EPS8: variants seen among roughly 807,000 people sequenced by gnomAD.
EPS8 encodes EGFR pathway substrate 8, signaling adaptor.
A neutral mutation model predicts 103.8 loss-of-function variants in EPS8; 42 were observed. That is an observed-to-expected ratio of 0.40 (90% CI 0.32 to 0.52). The LOEUF is 0.52. Among genes scored for constraint, EPS8 ranks in the 20% least tolerant of loss-of-function variants. EPS8 has a pLI of 0.40. For missense variants in EPS8, 969 were observed against 1,005.1 expected, an observed-to-expected ratio of 0.96 and a Z score of 0.49; for synonymous variants, 344 against 344.6, an observed-to-expected ratio of 1.00 and a Z score of 0.02.
chr12:15,673,248 A>G (rs1378220697), intron 3 of EPS8, among the ~76,000 whole-genome samples: 1 of 152,214 alleles, frequency 6.6e-6, no homozygotes, highest in African/African-American at 2.4e-5. Context: ...TATGTTGTAC[A>G]ATAAATAAGT....
rs1010143290 is a variant in EPS8 at position 15,789,134 on chromosome 12, C to G, written c.-22+27G>C. On this transcript the variant is annotated intron_variant, in intron 1 of 20. Coordinates refer to ENST00000281172, the MANE Select transcript of EPS8 (RefSeq NM_004447.6). The surrounding 1 kb of genome is among the most constrained non-coding windows in gnomAD (Gnocchi z 6.1). ...AGTCAAAGCCGCCGGACCCCGGGAC[C>G]GGCGCCTTTCGCCAAGGGGCTCTTA... The G allele has an allele frequency of 1.3e-5, 2 of 152,144 alleles. No homozygotes were observed. The highest frequency in any genetic ancestry group is 1.3e-4 in the Admixed American group (2 of 15,286). The allele number at this position is 152,144 out of a possible 1,614,324, so 9.4% of individuals were successfully genotyped here. A position where few individuals can be genotyped will look rare whatever the true frequency, so the allele number is the denominator to read the frequency against.
chr12:15,676,782 G>A (rs1011654758), intron 3 of EPS8, among the ~76,000 whole-genome samples: 4 of 152,096 alleles, frequency 2.6e-5, no homozygotes, highest in African/African-American at 4.8e-5. Flanking sequence ...TAAGTGTTAC[G>A]GTGTCAGTGA....
At chr12:15,675,698 G>C (rs1945892412) in intron 3 of EPS8, among the ~76,000 whole-genome samples, 1 of 152,144 alleles carries the variant, frequency 6.6e-6, no homozygotes, top group Non-Finnish European at 1.5e-5. Flanking sequence ...GTTAACTGTA[G>C]GTGTTGGTAA....
At chr12:15,649,521 G>T (rs1446937544) in intron 14 of EPS8, among the ~76,000 whole-genome samples, 1 of 152,062 alleles carries the variant, frequency 6.6e-6, no homozygotes, top group Admixed American at 6.6e-5. Context: ...ACAGGCAGGG[G>T]TATATGCTTG....
At chr12:15,746,164 G>A (rs1946873183) in intron 1 of EPS8, among the ~76,000 whole-genome samples, 1 of 152,146 alleles carries the variant, frequency 6.6e-6, no homozygotes, top group Admixed American at 6.5e-5. Context: ...TGAAGCAGGA[G>A]TCAGGGGGAG....
rs1947132659 is a variant in EPS8, at chr12:15,769,692, A to G, written c.-22+19469T>C. On this transcript the variant is annotated intron_variant, in intron 1 of 20. Coordinates refer to ENST00000281172, the MANE Select transcript of EPS8 (RefSeq NM_004447.6). This position sits in a 1 kb window ranked among gnomAD's most constrained non-coding sequence, Gnocchi z 4.6. ...ACTCTATTGAATTTCTCCCCAAACAATGAACATCTCTATATAGTAACTCTA... is the reference window on the plus strand; with the variant it reads ...ACTCTATTGAATTTCTCCCCAAACAGTGAACATCTCTATATAGTAACTCTA... 6.6e-6 allele frequency among the ~76,000 whole-genome samples: 1 copy of G among 152,190 alleles called. No homozygotes were observed. Among genetic ancestry groups the G allele is most frequent in the African/African-American group, 2.4e-5 (1 of 41,454 alleles).
intron 1 of EPS8, among the ~76,000 whole-genome samples, chr12:15,694,830 A>T (rs971205794): frequency 6.6e-6 from 1 of 152,244 alleles, no homozygotes; most frequent in African/African-American, 2.4e-5. Context: ...CAGTAAATAT[A>T]AGCTTTGACT....
intron 1 of EPS8, among the ~76,000 whole-genome samples, chr12:15,758,572 AC>A (rs1257953905): frequency 3.9e-5 from 6 of 152,170 alleles, no homozygotes; most frequent in Non-Finnish European, 8.8e-5. Context: ...TGGCTACCAT[AC>A]TGTACAGCAC....
intron 1 of EPS8, among the ~76,000 whole-genome samples, chr12:15,730,006 C>A (rs929416470): frequency 2.0e-5 from 3 of 152,126 alleles, no homozygotes; most frequent in Admixed American, 2.0e-4. Context: ...GGATCAAGAA[C>A]CTAAAATGGC....
chr12:15,684,499 A>G lies in EPS8; in HGVS notation c.-21-1527T>C, dbSNP rs919458378. 2.0e-5 allele frequency among the ~76,000 whole-genome samples: 3 copies of G among 152,236 alleles called. No individual in the cohort carries two copies. Among genetic ancestry groups the G allele is most frequent in the Non-Finnish European group, 4.4e-5 (3 of 68,034 alleles). The stretch of plus-strand genomic sequence containing the variant: ...AGAAGAAGGGTACCAGGCACAGAAT[A>G]GGTGTTCATTAAATATTTATTCAAA... On this transcript the variant is annotated intron_variant, in intron 1 of 20. Coordinates refer to ENST00000281172, the MANE Select transcript of EPS8 (RefSeq NM_004447.6). This position sits in a 1 kb window ranked among gnomAD's most constrained non-coding sequence, Gnocchi z 4.9.
At chr12:15,640,893 T>G (rs1183383163) in intron 16 of EPS8, 47 bp from the exon 17 acceptor site, 1 of 1,583,012 alleles carries the variant, frequency 6.3e-7, no homozygotes, top group Admixed American at 1.8e-5. Flanking sequence ...ATAAAAGCCA[T>G]TCTACGAAAG....
At chr12:15,682,187 T>C (rs1378182980) in intron 2 of EPS8, among the ~76,000 whole-genome samples, 2 of 152,212 alleles carry the variant, frequency 1.3e-5, no homozygotes, top group African/African-American at 2.4e-5. Flanking sequence ...TGTGGAAAGA[T>C]GCAGTTAATG....
At position 15,690,622 on chromosome 12, in the gene EPS8, T is replaced by A. The variant is rs1245205994; in HGVS notation, c.-21-7650A>T. ...GTAATACATGGTTTTACAGATCCAA[T>A]GGCCAGCAGAATGATTATATGGGGG... On this transcript the variant is annotated intron_variant, in intron 1 of 20. Coordinates refer to ENST00000281172, the MANE Select transcript of EPS8 (RefSeq NM_004447.6). This position sits in a 1 kb window ranked among gnomAD's most constrained non-coding sequence, Gnocchi z 4.7. Among the ~76,000 whole-genome samples the A allele has an allele frequency of 6.6e-6, 1 of 152,182 alleles. No homozygotes were observed. The highest frequency in any genetic ancestry group is 6.5e-5 in the Admixed American group (1 of 15,282).
chr12:15,635,439 A>C lies in EPS8; in HGVS notation c.1822-3775T>G, dbSNP rs549482466. On this transcript the variant is annotated intron_variant, in intron 17 of 20. Transcript: ENST00000281172. ...GTCTTCTGATATTAATTTTTAAAAA[A>C]CACTTTTGAAGAACTGAATATTATC... Among the ~76,000 whole-genome samples, 17 of 152,284 alleles carry C rather than the reference A, an allele frequency of 1.1e-4. 1 individual carries two copies. Among genetic ancestry groups the C allele is most frequent in the African/African-American group, 3.8e-4 (16 of 41,566 alleles).
rs1472411081 is a variant in EPS8 at position 15,630,106 on chromosome 12, T to A, written c.2044+1336A>T. On this transcript the variant is annotated intron_variant, in intron 18 of 20. Coordinates refer to ENST00000281172, the MANE Select transcript of EPS8 (RefSeq NM_004447.6). ...TAGAATGAACTACAGTAAAAGTATG[T>A]TTATGTGGAAAACGAAGGCAGAACC... Among the ~76,000 whole-genome samples, 3 of 151,994 alleles carry A rather than the reference T, an allele frequency of 2.0e-5. No homozygotes were observed. The East Asian group carries it at 5.8e-4, about 29-fold the overall frequency.
rs1431823427 is a variant in EPS8, at chr12:15,733,176, T to C, written c.-21-50204A>G. On this transcript the variant is annotated intron_variant, in intron 1 of 20. Coordinates refer to ENST00000281172, the MANE Select transcript of EPS8 (RefSeq NM_004447.6). This position sits in a 1 kb window ranked among gnomAD's most constrained non-coding sequence, Gnocchi z 4.8. ...TAATTTATAAAGGAAAGAGGTTTAA[T>C]TGACTCACAGTTCCACGGGCTTAAC... Among the ~76,000 whole-genome samples, 1 of 152,154 alleles carries C rather than the reference T, an allele frequency of 6.6e-6. No homozygotes were observed. Among genetic ancestry groups the C allele is most frequent in the African/African-American group, 2.4e-5 (1 of 41,430 alleles).
intron 20 of EPS8, 26 bp from the exon 21 acceptor site, chr12:15,621,456 A>T: frequency 1.1e-5 from 14 of 1,315,416 alleles, no homozygotes; most frequent in East Asian, 2.4e-5. Context: ...TTCAGACAAG[A>T]TAGTTACTGA....
intron 6 of EPS8, among the ~76,000 whole-genome samples, chr12:15,668,140 T>A (rs1198683755): frequency 6.6e-6 from 1 of 152,194 alleles, no homozygotes; most frequent in Non-Finnish European, 1.5e-5. Context: ...ACAAAAATTA[T>A]AATATACTAT....
intron 16 of EPS8, 111 bp from the exon 17 acceptor site, chr12:15,640,957 GCATCAA>G (rs1238014424): frequency 2.4e-6 from 2 of 838,454 alleles, no homozygotes; most frequent in Non-Finnish European, 3.8e-6. Context: ...AATTAACTCA[GCATCAA>G]CATAGTGTTG....
Sources: allele counts gnomAD v4.1 joint callset (sites outside exome capture counted in the v4.1 genomes callset), GRCh38; gene constraint gnomAD v4.1.1; non-coding constraint Gnocchi (gnomAD v3.1); transcripts MANE v1.5; gene names NCBI Gene and HGNC (gene_info 2026-07-23, HGNC 2026-07-21).